Variants in PRRC2B observed in about 807,000 individuals in gnomAD.
PRRC2B encodes the protein protein PRRC2B.
PRRC2B carries 68 observed loss-of-function variants against 242.3 expected under a neutral mutation model. The ratio of observed to expected loss-of-function variants is 0.28; its 90% CI spans 0.23 to 0.34. PRRC2B has a LOEUF of 0.34. Among genes scored for constraint, PRRC2B ranks in the 10% least tolerant of loss-of-function variants. PRRC2B has a pLI of 1.00. For synonymous variants in PRRC2B, 1,228 were observed against 1,173.6 expected (o/e 1.05, Z -0.95); for missense variants, 2,835 against 2,954.8 (o/e 0.96, Z 0.94).
intron 11 of PRRC2B, among the ~76,000 whole-genome samples, chr9:131,460,067 A>G (rs1384971987): frequency 6.6e-6 from 1 of 152,060 alleles, no homozygotes; most frequent in East Asian, 1.9e-4. Flanking sequence ...TTTTTTCTAA[A>G]CTGATTGAAC....
At chr9:131,470,675 T>G in intron 13 of PRRC2B, 113 bp from the exon 14 acceptor site, 2 of 804,630 alleles carry the variant, frequency 2.5e-6, no homozygotes, top group Non-Finnish European at 4.0e-6. Context: ...TGGTCTTCTG[T>G]TCTAGGTGGG....
Position 131,499,691 on chromosome 9 carries a change from C to T in PRRC2B, c.*3817C>T, listed in dbSNP as rs1944417521. 6.6e-6 allele frequency: 1 copy of T among 152,158 alleles called. No homozygotes were observed. Among genetic ancestry groups the T allele is most frequent in the African/African-American group, 2.4e-5 (1 of 41,432 alleles). 9.4% of individuals were successfully genotyped at this position (152,158 alleles called of 1,614,324 possible). On this transcript the variant is annotated 3_prime_UTR_variant, in exon 32 of 32. Transcript: ENST00000683519. ...CACTGTTTCCACCCCACTTGGTGGC[C>T]TCCAGGATGGTAGTGGCACCCTCAG...
intron 28 of PRRC2B, 50 bp from the exon 29 acceptor site, chr9:131,491,375 G>T: frequency 2.0e-6 from 3 of 1,520,770 alleles, no homozygotes; most frequent in Non-Finnish European, 2.6e-6. Context: ...TGCGTTTGGG[G>T]TTTCTCCATA....
chr9:131,460,764 G>A lies in PRRC2B; in HGVS notation c.1404+1408G>A, dbSNP rs143302609. Among the ~76,000 whole-genome samples, 240 of 152,130 alleles carry A rather than the reference G, an allele frequency of 1.6e-3. 1 individual carries two copies. Among genetic ancestry groups the A allele is most frequent in the African/African-American group, 5.6e-3 (233 of 41,516 alleles). On this transcript the variant is annotated intron_variant, in intron 11 of 31. Transcript: ENST00000683519. ...TTTTTCCCTGTTCTCCATCCTTTTT[G>A]GAGCCCTTCCTTCATCTTTCCCGGA...
intron 9 of PRRC2B, among the ~76,000 whole-genome samples, chr9:131,454,640 T>C (rs201496243): frequency 7.0e-6 from 1 of 143,658 alleles, no homozygotes; most frequent in African/African-American, 2.5e-5. Context: ...TTTCTTTTTC[T>C]TTTTTTTTTT....
intron 1 of PRRC2B, among the ~76,000 whole-genome samples, chr9:131,418,915 G>C (rs886306951): frequency 6.6e-6 from 1 of 152,246 alleles, no homozygotes; most frequent in Admixed American, 6.5e-5. Context: ...CAGCGTGACA[G>C]CACCTGGAAT....
chr9:131,437,397 A>G (rs1408200967), intron 4 of PRRC2B, among the ~76,000 whole-genome samples: 1 of 152,248 alleles, frequency 6.6e-6, no homozygotes, highest in Non-Finnish European at 1.5e-5. Context: ...TCACCAAGCA[A>G]GAGCTCATAA....
chr9:131,487,133 G>A lies in PRRC2B; in HGVS notation c.5857-34G>A. The stretch of plus-strand genomic sequence containing the variant: ...GAAGAACCACCTGGATGGGCCTTGC[G>A]GTTACCTCCCCGACCCCGTTTTCCC... On this transcript the variant is annotated intron_variant, in intron 26 of 31. Transcript: ENST00000683519. This position sits in a 1 kb window ranked among gnomAD's most constrained non-coding sequence, Gnocchi z 5.3. 9 of 1,608,884 alleles carry A rather than the reference G, an allele frequency of 5.6e-6. No individual in the cohort carries two copies. Among genetic ancestry groups the A allele is most frequent in the South Asian group, 1.1e-5 (1 of 90,666 alleles).
chr9:131,463,573 C>G (rs535332355), intron 11 of PRRC2B, among the ~76,000 whole-genome samples: 5 of 151,016 alleles, frequency 3.3e-5, no homozygotes, highest in Non-Finnish European at 7.4e-5. Context: ...AACTGGCAAC[C>G]AGCAAGAAAC....
In PRRC2B at chr9:131,407,984, T is replaced by C. The variant is rs538788625; in HGVS notation, c.-52+13721T>C. Reference sequence around the variant, plus strand: ...TCCTCACCGGGGTAACGGGAGGCATTGCATCCAGGTTGGAGTGGTTGCTGA... The same window carrying C: ...TCCTCACCGGGGTAACGGGAGGCATCGCATCCAGGTTGGAGTGGTTGCTGA... On this transcript the variant is annotated intron_variant, in intron 1 of 31. Coordinates refer to ENST00000683519, the MANE Select transcript of PRRC2B (RefSeq NM_013318.4). Among the ~76,000 whole-genome samples the C allele has an allele frequency of 2.1e-3, 314 of 152,344 alleles. 2 individuals carry two copies. The highest frequency in any genetic ancestry group is 2.8e-3 in the Non-Finnish European group (193 of 68,026).
intron 1 of PRRC2B, among the ~76,000 whole-genome samples, chr9:131,404,057 A>G (rs1837295820): frequency 1.3e-5 from 2 of 152,122 alleles, no homozygotes; most frequent in Admixed American, 1.3e-4. Context: ...CTAGGATTAC[A>G]GGTGTAAGCC....
At chr9:131,492,372 C>T (rs1170806058) in intron 30 of PRRC2B, 112 bp downstream of exon 30, 6 of 753,976 alleles carry the variant, frequency 8.0e-6, no homozygotes, top group Non-Finnish European at 1.4e-5. Context: ...GACCTGGTCC[C>T]TCTATGGGCC....
chr9:131,403,752 A>T (rs1401933730), intron 1 of PRRC2B, among the ~76,000 whole-genome samples: 1 of 151,904 alleles, frequency 6.6e-6, no homozygotes, highest in Non-Finnish European at 1.5e-5. Flanking sequence ...ACCATTATTG[A>T]TAAATTTGCT....
At chr9:131,428,039 A>G (rs190765807) in intron 1 of PRRC2B, among the ~76,000 whole-genome samples, 4 of 152,094 alleles carry the variant, frequency 2.6e-5, no homozygotes, top group African/African-American at 9.7e-5. Flanking sequence ...CTTCTGCCTC[A>G]GCCTCCTGAG....
Position 131,446,966 on chromosome 9 carries a change from C to G in PRRC2B, c.856-119C>G. Reference sequence around the variant, plus strand: ...ATGGTGGTAGGATTAATTAGGAAACCCCATGACTTTCCTGTTTCTTTTTCC... The same window carrying G: ...ATGGTGGTAGGATTAATTAGGAAACGCCATGACTTTCCTGTTTCTTTTTCC... On this transcript the variant is annotated intron_variant, in intron 7 of 31. Coordinates refer to ENST00000683519, the MANE Select transcript of PRRC2B (RefSeq NM_013318.4). The surrounding 1 kb of genome is among the most constrained non-coding windows in gnomAD (Gnocchi z 4.1). The G allele has an allele frequency of 7.7e-7, 1 of 1,306,030 alleles. No homozygotes were observed. The highest frequency in any genetic ancestry group is 1.4e-5 in the South Asian group (1 of 71,182). The allele number at this position is 1,306,030 out of a possible 1,614,324, so 80.9% of individuals were successfully genotyped here. A position where few individuals can be genotyped will look rare whatever the true frequency, so the allele number is the denominator to read the frequency against.
chr9:131,420,502 T>TTCTTTCTTTC (rs1837805084), intron 1 of PRRC2B, among the ~76,000 whole-genome samples: 1 of 97,902 alleles, frequency 1.0e-5, no homozygotes, highest in African/African-American at 4.2e-5. Flanking sequence ...TCTTTTTTTT[T>TTCTTTCTTTC]TTTTTTTTGA....
At chr9:131,478,796 T>C (rs1943778306) in intron 18 of PRRC2B, among the ~76,000 whole-genome samples, 177 bp downstream of exon 18, 1 of 152,054 alleles carries the variant, frequency 6.6e-6, no homozygotes, top group Admixed American at 6.5e-5. Context: ...AAGGCCCTTC[T>C]ATCAATGTAG....
chr9:131,460,385 G>A (rs536229790), intron 11 of PRRC2B, among the ~76,000 whole-genome samples: 30 of 152,242 alleles, frequency 2.0e-4, no homozygotes, highest in African/African-American at 5.5e-4. Context: ...CTCAAATTGG[G>A]TTTATCATCA....
chr9:131,411,579 G>A (rs1205444774), intron 1 of PRRC2B, among the ~76,000 whole-genome samples: 1 of 151,876 alleles, frequency 6.6e-6, no homozygotes, highest in Non-Finnish European at 1.5e-5. Flanking sequence ...TCCTGACCTC[G>A]TGATCCGCCC....
Sources: allele counts gnomAD v4.1 joint callset (sites outside exome capture counted in the v4.1 genomes callset), GRCh38; gene constraint gnomAD v4.1.1; non-coding constraint Gnocchi (gnomAD v3.1); transcripts MANE v1.5; gene names NCBI Gene and HGNC (gene_info 2026-07-23, HGNC 2026-07-21).